Variants in LANCL1 observed in about 807,000 individuals in gnomAD.
The protein encoded by LANCL1 is glutathione S-transferase LANCL1.
A neutral mutation model predicts 50.6 loss-of-function variants in LANCL1; 50 were observed. The ratio of observed to expected loss-of-function variants is 0.99; its 90% confidence interval spans 0.79 to 1.25. The LOEUF (loss-of-function observed/expected upper bound fraction) is 1.25. Among genes scored for constraint, LANCL1 ranks in the 50% most tolerant of loss-of-function variants. The pLI is 0.00. For missense variants in LANCL1, 532 were observed against 480.7 expected (o/e 1.11, Z -1.00); for synonymous variants, 188 against 178.6 (o/e 1.05, Z -0.42).
At chr2:210,457,957 G>A (rs375301047) in intron 3 of LANCL1, among the ~76,000 whole-genome samples, 14 of 152,158 alleles carry the variant, frequency 9.2e-5, no homozygotes, top group African/African-American at 9.7e-5. Flanking sequence ...GCTATGTGGC[G>A]AAGTTCTGAA....
intron 3 of LANCL1, among the ~76,000 whole-genome samples, chr2:210,469,875 C>T (rs1694173888): frequency 6.6e-6 from 1 of 151,798 alleles, no homozygotes; most frequent in Non-Finnish European, 1.5e-5. Flanking sequence ...CCTCCTAAAG[C>T]AAAGTAACTC....
In LANCL1 at chr2:210,471,951, C is replaced by G; in HGVS notation, c.199+8G>C. On this transcript the variant is annotated splice_region_variant and intron_variant, in intron 3 of 9. Transcript: ENST00000450366. Reference sequence around the variant, plus strand: ...TGCTTATGCCAGCTCACAGTCAGCACTTCATACCTGCCCAGCCAGTGTAAC... The same window carrying G: ...TGCTTATGCCAGCTCACAGTCAGCAGTTCATACCTGCCCAGCCAGTGTAAC... 2 of 1,596,210 alleles carry G rather than the reference C, an allele frequency of 1.3e-6. No individual in the cohort carries two copies. The highest frequency in any genetic ancestry group is 1.7e-6 in the Non-Finnish European group (2 of 1,163,580).
At chr2:210,443,323 T>G (rs1476729832) in intron 4 of LANCL1, among the ~76,000 whole-genome samples, 1 of 152,124 alleles carries the variant, frequency 6.6e-6, no homozygotes, top group Non-Finnish European at 1.5e-5. Flanking sequence ...TTTTGTCACA[T>G]GAAATTTTGA....
At chr2:210,477,520 C>G, upstream of LANCL1, 1 of 1,303,104 alleles carries the variant, frequency 7.7e-7, no homozygotes, top group Non-Finnish European at 9.7e-7. Context: ...GCCTCACTCT[C>G]TCCTTTTCCT....
chr2:210,473,150 C>T (rs549039893), intron 2 of LANCL1, among the ~76,000 whole-genome samples: 26 of 152,224 alleles, frequency 1.7e-4, no homozygotes, highest in Non-Finnish European at 2.9e-4. Context: ...CCGAGGTGGG[C>T]GGATAACCTG....
intron 2 of LANCL1, among the ~76,000 whole-genome samples, chr2:210,474,765 G>T (rs1358101071): frequency 1.5e-5 from 1 of 68,144 alleles, no homozygotes; most frequent in Non-Finnish European, 3.4e-5. Flanking sequence ...TAAATAAAGG[G>T]TTAAATTCAT....
intron 5 of LANCL1, 142 bp downstream of exon 5, chr2:210,441,166 G>T: frequency 1.2e-6 from 1 of 805,186 alleles, no homozygotes; most frequent in Non-Finnish European, 2.0e-6. Flanking sequence ...ATTGGTTCTT[G>T]GACTGTGCCC....
intron 3 of LANCL1, among the ~76,000 whole-genome samples, chr2:210,467,691 C>T (rs1574441690): frequency 6.6e-6 from 1 of 152,168 alleles, no homozygotes; most frequent in African/African-American, 2.4e-5. Flanking sequence ...TTGAGAGTGT[C>T]AATGGGCATG....
At chr2:210,459,307 A>C (rs1473766755) in intron 3 of LANCL1, among the ~76,000 whole-genome samples, 1 of 152,110 alleles carries the variant, frequency 6.6e-6, no homozygotes, top group Non-Finnish European at 1.5e-5. Context: ...AATGGACTAA[A>C]GACTTAGACT....
chr2:210,447,990 C>T (rs910995777), intron 4 of LANCL1, among the ~76,000 whole-genome samples: 2 of 152,172 alleles, frequency 1.3e-5, no homozygotes, highest in Non-Finnish European at 2.9e-5. Context: ...AAACTCAGCT[C>T]TGGACCAAGC....
At chr2:210,460,672 A>T (rs1471075026) in intron 3 of LANCL1, 1 of 151,808 alleles carries the variant, frequency 6.6e-6, no homozygotes, top group East Asian at 1.9e-4. Flanking sequence ...TGTGCACAGC[A>T]CTCTCCCCAT....
At chr2:210,463,719 G>C (rs1230491558) in intron 3 of LANCL1, among the ~76,000 whole-genome samples, 1 of 152,186 alleles carries the variant, frequency 6.6e-6, no homozygotes, top group Non-Finnish European at 1.5e-5. Context: ...ATTCCTGAAT[G>C]AGCATGAGAG....
chr2:210,462,680 T>C (rs940724371), intron 3 of LANCL1, among the ~76,000 whole-genome samples: 1 of 152,376 alleles, frequency 6.6e-6, no homozygotes, highest in Non-Finnish European at 1.5e-5. Context: ...ACACCTTCTA[T>C]AGAAAAACAC....
At chr2:210,459,941 C>G (rs1263689248) in intron 3 of LANCL1, among the ~76,000 whole-genome samples, 1 of 151,740 alleles carries the variant, frequency 6.6e-6, no homozygotes, top group Admixed American at 6.6e-5. Flanking sequence ...TACTCAGGAA[C>G]TTATGCCAAG....
intron 2 of LANCL1, 26 bp from the exon 3 acceptor site, chr2:210,472,102 CA>C: frequency 9.3e-6 from 14 of 1,506,984 alleles, no homozygotes; most frequent in Non-Finnish European, 1.3e-5. Context: ...AAACAAGTAT[CA>C]AAATAATGTG....
At chr2:210,468,253 G>C (rs1175324709) in intron 3 of LANCL1, 1 of 149,962 alleles carries the variant, frequency 6.7e-6, no homozygotes, top group East Asian at 1.9e-4. Context: ...TGGAAACAAA[G>C]AACAGATAAA....
At chr2:210,455,623 T>C (rs1036646837) in intron 3 of LANCL1, among the ~76,000 whole-genome samples, 6 of 152,190 alleles carry the variant, frequency 3.9e-5, no homozygotes, top group African/African-American at 1.4e-4. Flanking sequence ...ACTCTGGTTA[T>C]TGTGTTAATG....
At chr2:210,473,767 C>T (rs1694285725) in intron 2 of LANCL1, among the ~76,000 whole-genome samples, 1 of 152,224 alleles carries the variant, frequency 6.6e-6, no homozygotes, top group South Asian at 2.1e-4. Context: ...ACTATGATCC[C>T]TTATTTCACT....
intron 4 of LANCL1, among the ~76,000 whole-genome samples, chr2:210,443,805 C>A (rs1309612124): frequency 6.8e-6 from 1 of 147,136 alleles, no homozygotes; most frequent in Non-Finnish European, 1.5e-5. Flanking sequence ...TGAAGTGCCT[C>A]TTTTTCATAT....
Sources: gnomAD v4.1 joint callset for allele counts (sites outside exome capture counted in the v4.1 genomes callset) on GRCh38, gnomAD v4.1.1 for gene constraint, MANE v1.5 for transcripts, NCBI Gene and HGNC (gene_info 2026-07-23, HGNC 2026-07-21) for gene names.